ALDH2: variants seen among roughly 807,000 people sequenced by gnomAD.
ALDH2 encodes the protein aldehyde dehydrogenase 2 family member, also known as aldehyde dehydrogenase, mitochondrial.
A neutral mutation model predicts 59.6 loss-of-function variants in ALDH2; 44 were observed. The ratio of observed to expected loss-of-function variants is 0.74; its 90% confidence interval spans 0.58 to 0.95. ALDH2 has a LOEUF of 0.95. Ranked by LOEUF, ALDH2 falls within the 40% of genes least tolerant of loss-of-function variation. The probability of loss-of-function intolerance (pLI) is 0.00; values close to 1 mark genes in which losing one functional copy is unlikely to be tolerated. For synonymous variants in ALDH2, 291 were observed against 284.0 expected (o/e 1.02, Z -0.25); for missense variants, 570 against 696.3 (o/e 0.82, Z 2.04).
intron 12 of ALDH2, among the ~76,000 whole-genome samples, chr12:111,807,801 G>A (rs1458892890): frequency 6.6e-6 from 1 of 152,084 alleles, no homozygotes; most frequent in African/African-American, 2.4e-5. Context: ...CCATGATGTG[G>A]GGTTTGATGT....
chr12:111,771,514 T>C (rs2068199861), intron 1 of ALDH2, among the ~76,000 whole-genome samples: 1 of 152,198 alleles, frequency 6.6e-6, no homozygotes, highest in Admixed American at 6.5e-5. Flanking sequence ...TAGGAGGAAA[T>C]AATCCTCTGC....
intron 1 of ALDH2, among the ~76,000 whole-genome samples, chr12:111,769,505 G>A (rs186454360): frequency 1.0e-3 from 155 of 151,762 alleles, no homozygotes; most frequent in African/African-American, 3.5e-3. Flanking sequence ...GTCTCTTGTA[G>A]ACATTTTGTT....
rs1301359545 is a variant in ALDH2, at chr12:111,790,541, T to C, written c.660T>C (p.Tyr220=). Residue 220 remains tyrosine (Y), a synonymous_variant, in exon 6 of 13, where the codon TAT becomes TAC. Transcript: ENST00000261733. ...AGCAGACACCCCTCACCGCCCTCTA[T>C]GTGGCCAACCTGATCAAGGAGGTGC... is the stretch of plus-strand genomic sequence containing the variant. ...VAEQTPLTAL[Y]VANLIKEAGF... The C allele has an allele frequency of 1.9e-6, 3 of 1,614,186 alleles. No homozygotes were observed. The highest frequency in any genetic ancestry group is 2.2e-5 in the South Asian group (2 of 91,084).
intron 12 of ALDH2, among the ~76,000 whole-genome samples, chr12:111,806,532 G>T (rs1027812598): frequency 8.5e-5 from 13 of 152,198 alleles, no homozygotes; most frequent in Non-Finnish European, 1.9e-4. Flanking sequence ...AAAGGCAAAC[G>T]GGACTCATTC....
Position 111,798,249 on chromosome 12 carries a change from A to G in ALDH2, c.1248+7A>G. 1 of 1,543,490 alleles carries G rather than the reference A, an allele frequency of 6.5e-7. No homozygotes were observed. Among genetic ancestry groups the G allele is most frequent in the South Asian group, 1.3e-5 (1 of 79,214 alleles). On this transcript the variant is annotated splice_region_variant and intron_variant, in intron 10 of 12. Coordinates refer to ENST00000261733, the MANE Select transcript of ALDH2 (RefSeq NM_000690.4). ...GACCATCGCCAAGGAGGAGGTGAGC[A>G]CTTGGGGCCAGTGCTCTGGAAACAT...
chr12:111,792,714 A>G lies in ALDH2; in HGVS notation c.1015A>G (p.Ser339Gly). Residue 339 changes from serine to glycine, a missense_variant, in exon 9 of 13, where the codon AGC becomes GGC. Ser to Gly is a moderately conservative substitution (Grantham distance 56). Transcript: ENST00000261733. ...CATCTATGATGAGTTTGTGGAGCGG[A>G]GCGTTGCCCGGGCCAAGTCTCGGGT... ...EDIYDEFVER[S>G]VARAKSRVVG... The G allele has an allele frequency of 1.9e-6, 3 of 1,587,456 alleles. No individual in the cohort carries two copies. Among genetic ancestry groups the G allele is most frequent in the Non-Finnish European group, 2.6e-6 (3 of 1,168,064 alleles).
chr12:111,775,086 A>G (rs1052681902), intron 1 of ALDH2, among the ~76,000 whole-genome samples: 3 of 152,242 alleles, frequency 2.0e-5, no homozygotes, highest in Non-Finnish European at 4.4e-5. Flanking sequence ...GTGGCTTAAC[A>G]TGAGGCAGAG....
intron 1 of ALDH2, among the ~76,000 whole-genome samples, chr12:111,770,989 G>A (rs2068195147): frequency 6.6e-6 from 1 of 151,780 alleles, no homozygotes; most frequent in Non-Finnish European, 1.5e-5. Context: ...ATGTTGCCCA[G>A]GCTGGGTCTT....
In ALDH2 at chr12:111,813,614, GGAATATTATTTAGCCATAAA is replaced by G. The variant is rs537776100; in HGVS notation, c.*4040_*4059del. ...ACAAAATGTGACATATCCATGCAGT[GGAATATTATTTAGCCATAAA>G]AAGGAAGGAAGTGCTGATGCATGTT... On this transcript the variant is annotated 3_prime_UTR_variant, in exon 13 of 13. Coordinates refer to ENST00000261733, the MANE Select transcript of ALDH2 (RefSeq NM_000690.4). 82 of 152,288 alleles carry G rather than the reference GGAATATTATTTAGCCATAAA, an allele frequency of 5.4e-4. No homozygotes were observed. The highest frequency in any genetic ancestry group is 1.9e-3 in the African/African-American group (79 of 41,566). 9.4% of individuals were successfully genotyped at this position (152,288 alleles called of 1,614,324 possible).
intron 9 of ALDH2, among the ~76,000 whole-genome samples, chr12:111,793,972 C>G (rs2068382215): frequency 6.7e-6 from 1 of 150,084 alleles, no homozygotes; most frequent in African/African-American, 2.5e-5. Context: ...TCCACCTATT[C>G]TTCCCTCTTT....
intron 8 of ALDH2, 71 bp downstream of exon 8, chr12:111,792,234 T>C: frequency 1.7e-6 from 2 of 1,200,156 alleles, no homozygotes; most frequent in Non-Finnish European, 2.4e-6. Flanking sequence ...CTCCAGCCGA[T>C]CCTGTCGCCC....
intron 11 of ALDH2, among the ~76,000 whole-genome samples, chr12:111,800,264 T>C (rs2068440545): frequency 6.6e-6 from 1 of 152,198 alleles, no homozygotes; most frequent in South Asian, 2.1e-4. Context: ...GCCCTGCACC[T>C]GAACTTGGCA....
chr12:111,798,745 G>T (rs368780783), intron 10 of ALDH2, among the ~76,000 whole-genome samples: 4 of 152,088 alleles, frequency 2.6e-5, no homozygotes, highest in African/African-American at 9.6e-5. Context: ...AGTTGCTCAC[G>T]CCTGTAATCC....
At chr12:111,797,951 CT>C in intron 9 of ALDH2, 126 bp from the exon 10 acceptor site, 1 of 1,133,196 alleles carries the variant, frequency 8.8e-7, no homozygotes, top group South Asian at 1.4e-5. Flanking sequence ...GTTTCCTCTT[CT>C]GATCTTGCTT....
Position 111,814,420 on chromosome 12 carries a change from A to T in ALDH2, c.*4845A>T, listed in dbSNP as rs906055202. 1 of 151,460 alleles carries T rather than the reference A, an allele frequency of 6.6e-6. No homozygotes were observed. The highest frequency in any genetic ancestry group is 1.5e-5 in the Non-Finnish European group (1 of 67,998). 9.4% of individuals were successfully genotyped at this position (151,460 alleles called of 1,614,324 possible). On this transcript the variant is annotated 3_prime_UTR_variant, in exon 13 of 13. Transcript: ENST00000261733. ...CTGGGCATGGTGGCTGGCACCTGTAATCCCAGCTACTCAGGAGGCTGAGGC... is the reference window on the plus strand; with the variant it reads ...CTGGGCATGGTGGCTGGCACCTGTATTCCCAGCTACTCAGGAGGCTGAGGC...
chr12:111,779,708 CTT>C (rs1275642360), intron 1 of ALDH2, among the ~76,000 whole-genome samples: 1 of 152,198 alleles, frequency 6.6e-6, no homozygotes, highest in African/African-American at 2.4e-5. Context: ...AGGCAGATGT[CTT>C]TGCCTTCACG....
intron 12 of ALDH2, among the ~76,000 whole-genome samples, chr12:111,805,425 AG>A (rs2068486438): frequency 6.6e-6 from 1 of 151,014 alleles, no homozygotes; most frequent in South Asian, 2.2e-4. Context: ...CCTGGGCTGA[AG>A]TGATCCTCGC....
At position 111,792,053 on chromosome 12, in the gene ALDH2, C is replaced by T. The variant is rs1347267981; in HGVS notation, c.796-8C>T. ...TGAGAGCTTGTTCCTGTCTTTCTGTCCCCACAGATTGGCCGCGTAATCCAG... is the reference window on the plus strand; with the variant it reads ...TGAGAGCTTGTTCCTGTCTTTCTGTTCCCACAGATTGGCCGCGTAATCCAG... On this transcript the variant is annotated splice_polypyrimidine_tract_variant and splice_region_variant and intron_variant, in intron 7 of 12. Coordinates refer to ENST00000261733, the MANE Select transcript of ALDH2 (RefSeq NM_000690.4). The T allele has an allele frequency of 6.3e-7, 1 of 1,584,402 alleles. No homozygotes were observed. The highest frequency in any genetic ancestry group is 2.2e-5 in the East Asian group (1 of 44,704).
In ALDH2 at chr12:111,792,087, T is replaced by C. The variant is rs757770420; in HGVS notation, c.822T>C (p.Ala274=). The C allele has an allele frequency of 9.3e-6, 15 of 1,611,230 alleles. No homozygotes were observed. The highest frequency in any genetic ancestry group is 1.2e-5 in the Non-Finnish European group (14 of 1,179,244). The change falls in exon 8 of 13, where the codon GCT becomes GCC. Residue 274 remains alanine, a synonymous_variant. Transcript: ENST00000261733. ...TTGGCCGCGTAATCCAGGTTGCTGC[T>C]GGGAGCAGCAACCTCAAGAGAGTGA... ...TEIGRVIQVA[A]GSSNLKRVTL...
Sources: allele counts gnomAD v4.1 joint callset (sites outside exome capture counted in the v4.1 genomes callset), GRCh38; gene constraint gnomAD v4.1.1; transcripts MANE v1.5; gene names NCBI Gene and HGNC (gene_info 2026-07-23, HGNC 2026-07-21).